The following MAGI2 variants were observed in gnomAD, a reference collection of about 807,000 sequenced individuals.
The protein encoded by MAGI2 is membrane-associated guanylate kinase, WW and PDZ domain-containing protein 2.
MAGI2 carries 35 observed loss-of-function variants against 133.3 expected under a neutral mutation model. The observed-to-expected ratio is 0.26, with a 90% CI of 0.20 to 0.35. The LOEUF (loss-of-function observed/expected upper bound fraction) is 0.35, where lower values mean the gene tolerates loss of function less well. MAGI2 is among the 10% of genes least tolerant of loss of function. The pLI is 1.00. For synonymous variants in MAGI2, 729 were observed against 710.6 expected, an observed-to-expected ratio of 1.03 and a Z score of -0.41; for missense variants, 1,636 against 1,863.4, an observed-to-expected ratio of 0.88 and a Z score of 2.25.
chr7:78,328,281 C>T (rs1156236892), intron 9 of MAGI2, among the ~76,000 whole-genome samples: 1 of 151,960 alleles, frequency 6.6e-6, no homozygotes, highest in Non-Finnish European at 1.5e-5. Context: ...GAAAACAATT[C>T]CATATCTTTT....
chr7:78,476,804 C>A (rs1791799524), intron 6 of MAGI2, among the ~76,000 whole-genome samples: 1 of 151,716 alleles, frequency 6.6e-6, no homozygotes, highest in African/African-American at 2.4e-5. Flanking sequence ...TTATTCCAGA[C>A]ACTTTGAGAA....
At chr7:78,872,042 T>C (rs1006702359) in intron 2 of MAGI2, among the ~76,000 whole-genome samples, 1 of 151,990 alleles carries the variant, frequency 6.6e-6, no homozygotes, top group Non-Finnish European at 1.5e-5. Flanking sequence ...ACCTTTTTTT[T>C]TTCTTTCAGT....
chr7:78,265,355 C>A (rs943973940), intron 9 of MAGI2, among the ~76,000 whole-genome samples: 2 of 152,180 alleles, frequency 1.3e-5, no homozygotes, highest in Non-Finnish European at 2.9e-5. Context: ...GCACAAAAGA[C>A]TGTTTCTTGC....
At chr7:79,209,304 C>T (rs967787295) in intron 1 of MAGI2, among the ~76,000 whole-genome samples, 5 of 151,626 alleles carry the variant, frequency 3.3e-5, no homozygotes, top group Non-Finnish European at 5.9e-5. Flanking sequence ...TTTTATCTGT[C>T]GCAAAAACAT....
At chr7:79,080,718 A>C (rs551608729) in intron 1 of MAGI2, among the ~76,000 whole-genome samples, 1 of 152,116 alleles carries the variant, frequency 6.6e-6, no homozygotes, top group Admixed American at 6.6e-5. Context: ...GGTACAAAGC[A>C]CTCTAGAGTC....
At chr7:78,704,785 T>TTTTTCC (rs1283727946) in intron 2 of MAGI2, among the ~76,000 whole-genome samples, 3 of 149,828 alleles carry the variant, frequency 2.0e-5, no homozygotes, top group Non-Finnish European at 3.0e-5. Context: ...ATTCTTTTTT[T>TTTTTCC]TTTTTTTTTT....
intron 20 of MAGI2, among the ~76,000 whole-genome samples, chr7:78,113,261 T>G (rs1370283765): frequency 1.3e-5 from 2 of 152,102 alleles, no homozygotes; most frequent in East Asian, 3.8e-4. Context: ...TTTTAAACAG[T>G]AAGCAGATAG....
At chr7:78,340,103 C>T (rs937180065) in intron 9 of MAGI2, among the ~76,000 whole-genome samples, 13 of 152,046 alleles carry the variant, frequency 8.6e-5, no homozygotes, top group African/African-American at 2.7e-4. Flanking sequence ...AATGGCAGAA[C>T]TTTTTCTCCA....
At chr7:79,359,742 T>G (rs1339756403) in intron 1 of MAGI2, among the ~76,000 whole-genome samples, 2 of 149,484 alleles carry the variant, frequency 1.3e-5, no homozygotes, top group Non-Finnish European at 3.0e-5. Flanking sequence ...CAACCACAAA[T>G]TTTATATCCA....
At chr7:79,082,778 T>C (rs774058999) in intron 1 of MAGI2, among the ~76,000 whole-genome samples, 56 of 152,106 alleles carry the variant, frequency 3.7e-4, no homozygotes, top group Non-Finnish European at 7.7e-4. Context: ...TTATTGAATC[T>C]GTAGATCCCT....
chr7:78,459,535 G>A (rs999304240), intron 6 of MAGI2, among the ~76,000 whole-genome samples: 18 of 152,080 alleles, frequency 1.2e-4, no homozygotes, highest in African/African-American at 4.1e-4. Flanking sequence ...CACTGATATG[G>A]GACATATTCC....
intron 1 of MAGI2, among the ~76,000 whole-genome samples, chr7:79,116,000 G>T (rs79514737): frequency 0.011 from 1,730 of 151,488 alleles, 34 homozygotes; most frequent in African/African-American, 0.04. Flanking sequence ...CATCCCATCA[G>T]CAAGGGACAT....
intron 1 of MAGI2, among the ~76,000 whole-genome samples, chr7:79,229,938 T>TC (rs1212054953): frequency 5.5e-5 from 5 of 91,418 alleles, no homozygotes; most frequent in Non-Finnish European, 8.1e-5. Context: ...ATGCTATCCC[T>TC]CCCCCCTCCC....
At position 78,634,969 on chromosome 7, in the gene MAGI2, T is replaced by C. The variant is rs185047074; in HGVS notation, c.419-7730A>G. Among the ~76,000 whole-genome samples, 3 of 152,266 alleles carry C rather than the reference T, an allele frequency of 2.0e-5. No homozygotes were observed. The East Asian group carries it at 5.8e-4, about 29-fold the overall frequency. ...ACCACTCCTCCAAAGGAAAAATAAA[T>C]AGAACTGAAAGAGCAAAAATGCTAA... On this transcript the variant is annotated intron_variant, in intron 2 of 21. Transcript: ENST00000354212.
intron 3 of MAGI2, among the ~76,000 whole-genome samples, chr7:78,589,880 T>C (rs143052326): frequency 4.7e-4 from 71 of 152,334 alleles, no homozygotes; most frequent in African/African-American, 1.6e-3. Context: ...CAGGTTATTA[T>C]TTCAAAAATG....
intron 6 of MAGI2, among the ~76,000 whole-genome samples, chr7:78,371,786 T>C (rs1420129942): frequency 6.6e-6 from 1 of 152,090 alleles, no homozygotes; most frequent in Admixed American, 6.6e-5. Context: ...CGTTTGGTTG[T>C]TTCAGATTTC....
chr7:79,145,758 T>C (rs1278820785), intron 1 of MAGI2, among the ~76,000 whole-genome samples: 1 of 152,196 alleles, frequency 6.6e-6, no homozygotes, highest in African/African-American at 2.4e-5. Flanking sequence ...TAATCAGAAG[T>C]ACATTATGTC....
chr7:78,660,469 C>T (rs1463948589), intron 2 of MAGI2, among the ~76,000 whole-genome samples: 1 of 151,748 alleles, frequency 6.6e-6, no homozygotes, highest in Non-Finnish European at 1.5e-5. Flanking sequence ...AGGAAAATGC[C>T]TAATATCAGA....
intron 10 of MAGI2, among the ~76,000 whole-genome samples, chr7:78,250,788 C>A (rs1451836507): frequency 6.6e-6 from 1 of 152,048 alleles, no homozygotes; most frequent in Non-Finnish European, 1.5e-5. Flanking sequence ...GATGACTTCA[C>A]TGGTGAATTC....
Sources: allele counts gnomAD v4.1 joint callset (sites outside exome capture counted in the v4.1 genomes callset), GRCh38; gene constraint gnomAD v4.1.1; transcripts MANE v1.5; gene names NCBI Gene and HGNC (gene_info 2026-07-23, HGNC 2026-07-21).